Variants in NOC3L observed in about 807,000 individuals in gnomAD.
NOC3L encodes nucleolar complex protein 3 homolog.
A neutral mutation model predicts 102.5 loss-of-function variants in NOC3L; 85 were observed. The ratio of observed to expected loss-of-function variants is 0.83; its 90% CI spans 0.70 to 0.99. The LOEUF is 0.99. Among genes scored for constraint, NOC3L ranks in the 50% least tolerant of loss-of-function variants. The pLI is 0.00. For synonymous variants in NOC3L, 303 were observed against 309.4 expected (o/e 0.98, Z 0.22); for missense variants, 878 against 914.9 (o/e 0.96, Z 0.52).
At chr10:94,322,289 G>A in the NOC3L span, among the ~76,000 whole-genome samples, 2 of 151,958 alleles carry the variant, frequency 1.3e-5, no homozygotes, top group Non-Finnish European at 2.9e-5. Context: ...AGGAGTTGGA[G>A]GCTGCAGTGA....
intron 14 of NOC3L, 126 bp from the exon 15 acceptor site, chr10:94,340,622 G>T (rs2054271713): frequency 1.3e-6 from 1 of 753,032 alleles, no homozygotes; most frequent in East Asian, 2.6e-5. Flanking sequence ...AGCAATTTGG[G>T]AGGCTGAGGC....
the NOC3L span, among the ~76,000 whole-genome samples, chr10:94,321,033 A>C: frequency 1.8e-3 from 277 of 152,338 alleles, 1 homozygote; most frequent in Admixed American, 3.5e-3. Flanking sequence ...CTGTAGATAC[A>C]TAATCCACCA....
rs775876279 is a variant in NOC3L at position 94,341,687 on chromosome 10, G to A, written c.1630C>T (p.Leu544Phe). 2 of 1,532,990 alleles carry A rather than the reference G, an allele frequency of 1.3e-6. No individual in the cohort carries two copies. Among genetic ancestry groups the A allele is most frequent in the Non-Finnish European group, 1.8e-6 (2 of 1,129,172 alleles). 95.0% of individuals were successfully genotyped at this position (1,532,990 alleles called of 1,614,324 possible). The change falls in exon 14 of 21, where the codon CTC (leucine) becomes TTC (phenylalanine). Residue 544 changes from leucine to phenylalanine, a missense_variant. Leu to Phe is a conservative substitution (Grantham distance 22, BLOSUM62 0). Transcript: ENST00000371361. ...TTATTACTTACACCAGACTCAATGA[G>A]AGTATGAAGAACTACTAACAGATCA... ...FDDLLVVLHT[L>F]IESGDLSYQE...
the NOC3L span, among the ~76,000 whole-genome samples, chr10:94,319,312 T>C: frequency 4.6e-5 from 7 of 152,202 alleles, no homozygotes; most frequent in Admixed American, 1.3e-4. Flanking sequence ...ACCCAAATAA[T>C]AATTGCTGAT....
Position 94,334,051 on chromosome 10 carries a change from C to T in NOC3L, c.*126G>A, listed in dbSNP as rs1280093124. 1 of 589,026 alleles carries T rather than the reference C, an allele frequency of 1.7e-6. No individual in the cohort carries two copies. Among genetic ancestry groups the T allele is most frequent in the Non-Finnish European group, 3.0e-6 (1 of 332,804 alleles). 36.5% of individuals were successfully genotyped at this position (589,026 alleles called of 1,614,324 possible). On this transcript the variant is annotated 3_prime_UTR_variant, in exon 21 of 21. Coordinates refer to ENST00000371361, the MANE Select transcript of NOC3L (RefSeq NM_022451.11). ...TGCCATGCAAAGGGTCATTCTTCCT[C>T]TTCTTCCTAGACATTCTTAGGAAGC...
At chr10:94,323,553 T>C in the NOC3L span, among the ~76,000 whole-genome samples, 18 of 152,226 alleles carry the variant, frequency 1.2e-4, no homozygotes, top group African/African-American at 1.2e-4. Flanking sequence ...AGTCACCACA[T>C]AGACCACCAC....
chr10:94,334,451 T>C (rs2054194007), intron 20 of NOC3L, 146 bp from the exon 21 acceptor site: 4 of 659,678 alleles, frequency 6.1e-6, no homozygotes, highest in Non-Finnish European at 7.8e-6. Flanking sequence ...ACATATCCTA[T>C]ATTGAACGAA....
intron 8 of NOC3L, among the ~76,000 whole-genome samples, chr10:94,351,020 T>A (rs924381247): frequency 4.6e-5 from 7 of 152,162 alleles, no homozygotes; most frequent in Admixed American, 4.6e-4. Context: ...ATTTCATTGC[T>A]TTTTAGTGTG....
At position 94,344,460 on chromosome 10, in the gene NOC3L, G is replaced by A; in HGVS notation, c.1526C>T (p.Ala509Val). 1 of 1,613,780 alleles carries A rather than the reference G, an allele frequency of 6.2e-7. No individual in the cohort carries two copies. Among genetic ancestry groups the A allele is most frequent in the Non-Finnish European group, 8.5e-7 (1 of 1,179,736 alleles). Reference protein sequence around the residue: ...FVTYFRILKKAQRSPLLPAVL... With the variant: ...FVTYFRILKKVQRSPLLPAVL... ...TGCTGGCAGGAGAGGTGACCTCTGG[G>A]CCTTCTTCAATATTCTGAAGTAGGT... The change falls in exon 13 of 21, where the codon GCC (alanine) becomes GTC (valine). Residue 509 changes from alanine to valine, a missense_variant. By Grantham distance (64) the Ala-to-Val change is moderately conservative. Transcript: ENST00000371361.
intron 13 of NOC3L, among the ~76,000 whole-genome samples, chr10:94,343,040 C>T (rs2054303782): frequency 6.7e-6 from 1 of 149,990 alleles, no homozygotes; most frequent in Non-Finnish European, 1.5e-5. Context: ...GCTCAGATTA[C>T]GTCACTGCAA....
chr10:94,345,730 A>T (rs2054335511), intron 11 of NOC3L, among the ~76,000 whole-genome samples: 1 of 152,148 alleles, frequency 6.6e-6, no homozygotes, highest in South Asian at 2.1e-4. Flanking sequence ...ATGTTTTCAA[A>T]ATTAGACCCA....
intron 19 of NOC3L, among the ~76,000 whole-genome samples, chr10:94,335,794 T>G (rs1328600158): frequency 6.6e-6 from 1 of 152,094 alleles, no homozygotes; most frequent in East Asian, 1.9e-4. Context: ...GTCACCAAAC[T>G]ATGATCTCTG....
chr10:94,344,635 A>G (rs2054322681), intron 12 of NOC3L, 120 bp from the exon 13 acceptor site: 1 of 716,706 alleles, frequency 1.4e-6, no homozygotes. Context: ...CCACAATGCA[A>G]TCTTTGAAAT....
chr10:94,340,446 A>T lies in NOC3L; in HGVS notation c.1695T>A (p.Ile565=). The change falls in exon 15 of 21, where the codon ATT becomes ATA. Residue 565 remains isoleucine, a synonymous_variant. Coordinates refer to ENST00000371361, the MANE Select transcript of NOC3L (RefSeq NM_022451.11). ...SLHCVQTAFH[I]LSGQGDVLNI... ...AAAATATCATACCTTGTCCAGAAAG[A>T]ATATGAAAAGCAGTCTGGACACAGT... 1 of 1,539,748 alleles carries T rather than the reference A, an allele frequency of 6.5e-7. No individual in the cohort carries two copies. Among genetic ancestry groups the T allele is most frequent in the Non-Finnish European group, 8.8e-7 (1 of 1,131,060 alleles).
intron 13 of NOC3L, 100 bp downstream of exon 13, chr10:94,344,315 G>A (rs1278236194): frequency 3.0e-6 from 2 of 667,030 alleles, no homozygotes; most frequent in East Asian, 2.6e-5. Flanking sequence ...AAAGGAATGA[G>A]AACTGAGGAT....
At chr10:94,324,478 G>C in the NOC3L span, 1 of 1,614,056 alleles carries the variant, frequency 6.2e-7, no homozygotes, top group Non-Finnish European at 8.5e-7. Flanking sequence ...CTCTCAGCGG[G>C]TCCTTCTGGA....
the NOC3L span, chr10:94,316,599 T>A: frequency 6.2e-7 from 1 of 1,608,942 alleles, no homozygotes; most frequent in East Asian, 2.2e-5. Context: ...TATTTTTTGA[T>A]GGAAGAAAAA....
intron 9 of NOC3L, 100 bp from the exon 10 acceptor site, chr10:94,349,478 A>AC: frequency 1.9e-6 from 2 of 1,062,098 alleles, no homozygotes; most frequent in South Asian, 2.1e-5. Context: ...CTGTCCTAGG[A>AC]TGTTTAAAAG....
At position 94,350,108 on chromosome 10, in the gene NOC3L, C is replaced by T; in HGVS notation, c.1128+5G>A. 1 of 1,613,732 alleles carries T rather than the reference C, an allele frequency of 6.2e-7. No homozygotes were observed. The highest frequency in any genetic ancestry group is 8.5e-7 in the Non-Finnish European group (1 of 1,179,750). Reference sequence around the variant, plus strand: ...GGACAGCAATAACCATTTACAGCAACTCACCAATTTTGACATGTCATTCAT... The same window carrying T: ...GGACAGCAATAACCATTTACAGCAATTCACCAATTTTGACATGTCATTCAT... On this transcript the variant is annotated splice_donor_5th_base_variant and intron_variant, in intron 9 of 20. Transcript: ENST00000371361.
Sources: gnomAD v4.1 joint callset for allele counts (sites outside exome capture counted in the v4.1 genomes callset) on GRCh38, gnomAD v4.1.1 for gene constraint, MANE v1.5 for transcripts, NCBI Gene and HGNC (gene_info 2026-07-23, HGNC 2026-07-21) for gene names.